The following NGEF variants were observed in gnomAD, a reference collection of about 807,000 sequenced individuals.
NGEF encodes the protein neuronal guanine nucleotide exchange factor.
In NGEF, 31 loss-of-function variants were observed where a neutral mutation model predicts 80.9. That is an observed-to-expected ratio of 0.38 (90% CI 0.29 to 0.52). The LOEUF (loss-of-function observed/expected upper bound fraction) is 0.52, where lower values mean the gene tolerates loss of function less well. Ranked by LOEUF, NGEF falls within the 20% of genes least tolerant of loss-of-function variation. The pLI, the probability that NGEF is intolerant of heterozygous loss-of-function variation, is 0.84. For missense variants in NGEF, 709 were observed against 926.2 expected (o/e 0.77, Z 3.04); for synonymous variants, 371 against 370.2 (o/e 1.00, Z -0.03).
intron 4 of NGEF, among the ~76,000 whole-genome samples, chr2:232,923,751 T>G (rs541353533): frequency 7.2e-4 from 109 of 152,224 alleles, no homozygotes; most frequent in African/African-American, 2.5e-3. Flanking sequence ...TCCTTGCCCC[T>G]TGCTAGTAGT....
At chr2:232,962,259 G>A (rs1241971908) in intron 3 of NGEF, among the ~76,000 whole-genome samples, 4 of 152,226 alleles carry the variant, frequency 2.6e-5, no homozygotes, top group Admixed American at 2.0e-4. Context: ...AAATATGGCT[G>A]GGTGCAGTGG....
At chr2:232,996,599 A>G (rs1227346267) in intron 1 of NGEF, among the ~76,000 whole-genome samples, 1 of 152,164 alleles carries the variant, frequency 6.6e-6, no homozygotes, top group Admixed American at 6.5e-5. Context: ...CATATAACCT[A>G]CAAAGTATAA....
Position 232,917,472 on chromosome 2 carries a change from C to CTT in NGEF, c.828+2810_828+2811dup, listed in dbSNP as rs11407721. Among the ~76,000 whole-genome samples, 36 of 144,734 alleles carry CTT rather than the reference C, an allele frequency of 2.5e-4. 1 individual carries two copies. The highest frequency in any genetic ancestry group is 4.0e-4 in the East Asian group (2 of 4,962). 95.0% of individuals were successfully genotyped at this position (144,734 alleles called of 152,430 possible). On this transcript the variant is annotated intron_variant, in intron 5 of 14. Transcript: ENST00000264051. Reference sequence around the variant, plus strand: ...TTACGTATTTAATTGTAAAACTTTTCTTTTTTTTTTTTTCTGAGATGGAGT... The same window carrying CTT: ...TTACGTATTTAATTGTAAAACTTTTCTTTTTTTTTTTTTTTCTGAGATGGAGT...
At chr2:232,994,658 C>A (rs1232631493) in intron 1 of NGEF, among the ~76,000 whole-genome samples, 1 of 152,106 alleles carries the variant, frequency 6.6e-6, no homozygotes, top group African/African-American at 2.4e-5. Flanking sequence ...CGGCCCTTCG[C>A]TGGCTGAATG....
At chr2:232,951,231 G>A (rs529496190) in intron 3 of NGEF, among the ~76,000 whole-genome samples, 1 of 152,314 alleles carries the variant, frequency 6.6e-6, no homozygotes, top group East Asian at 1.9e-4. Context: ...CTACCTCGAT[G>A]TCTAGGGCTT....
At chr2:232,887,209 G>T (rs1691721270) in intron 9 of NGEF, among the ~76,000 whole-genome samples, 1 of 152,236 alleles carries the variant, frequency 6.6e-6, no homozygotes, top group Non-Finnish European at 1.5e-5. Flanking sequence ...CAATGGAGGT[G>T]CCCTAGCACA....
intron 4 of NGEF, among the ~76,000 whole-genome samples, chr2:232,925,818 A>G (rs770636783): frequency 4.6e-5 from 7 of 152,186 alleles, no homozygotes; most frequent in Non-Finnish European, 8.8e-5. Flanking sequence ...TCTATGTGGC[A>G]TCAGTTTCAG....
At chr2:232,959,774 T>TC (rs979785067) in intron 3 of NGEF, among the ~76,000 whole-genome samples, 5 of 152,240 alleles carry the variant, frequency 3.3e-5, no homozygotes, top group Admixed American at 1.3e-4. Flanking sequence ...AGAAGGGGTT[T>TC]CTCCATGTTG....
In NGEF at chr2:232,894,845, C is replaced by T. The variant is rs267599265; in HGVS notation, c.900G>A (p.Met300Ile). ...GGATCTTCCTTATCCGCTCGTTCTC[C>T]ATGAAGTGGGACACGAGCAGGTTCA... ...KSLNLLVSHFMENERIRKILH... is the reference protein window; with the variant it reads ...KSLNLLVSHFIENERIRKILH... Residue 300 changes from methionine (M) to isoleucine (I), a missense_variant, in exon 6 of 15, where the codon ATG becomes ATA. Physicochemically the swap from Met to Ile is conservative, Grantham distance 10 (BLOSUM62 1). Transcript: ENST00000264051. 6.2e-7 allele frequency: 1 copy of T among 1,611,352 alleles called. No homozygotes were observed. Among genetic ancestry groups the T allele is most frequent in the South Asian group, 1.1e-5 (1 of 91,000 alleles).
chr2:232,923,918 A>G (rs568294180), intron 4 of NGEF, among the ~76,000 whole-genome samples: 11 of 152,176 alleles, frequency 7.2e-5, no homozygotes, highest in Non-Finnish European at 1.2e-4. Flanking sequence ...CCTCCGTGAG[A>G]GGGATTCATG....
At chr2:232,919,111 T>C (rs956527201) in intron 5 of NGEF, among the ~76,000 whole-genome samples, 1 of 152,214 alleles carries the variant, frequency 6.6e-6, no homozygotes, top group African/African-American at 2.4e-5. Context: ...CCTTCCCTAG[T>C]AGCAACTCCA....
intron 1 of NGEF, chr2:233,012,589 G>A (rs979149750): frequency 1.7e-4 from 50 of 291,750 alleles, no homozygotes; most frequent in African/African-American, 7.3e-4. Context: ...GGGCACTTCC[G>A]TTTACATATA....
At chr2:232,899,892 TCA>T (rs1483640964) in intron 5 of NGEF, among the ~76,000 whole-genome samples, 1 of 120,564 alleles carries the variant, frequency 8.3e-6, no homozygotes, top group Non-Finnish European at 1.7e-5. Context: ...TCACTCACAT[TCA>T]CACACATGCT....
chr2:232,966,781 G>C (rs1267535955), intron 3 of NGEF, among the ~76,000 whole-genome samples: 1 of 152,086 alleles, frequency 6.6e-6, no homozygotes, highest in African/African-American at 2.4e-5. Flanking sequence ...TGGCCCCTTG[G>C]ACTCTTGCTC....
rs573111640 is a variant in NGEF at position 233,004,090 on chromosome 2, C to T, written c.-75+8978G>A. On this transcript the variant is annotated intron_variant, in intron 1 of 14. Coordinates refer to ENST00000264051, the MANE Select transcript of NGEF (RefSeq NM_019850.3). ...TCTGCAGCAAGCACCCCCTTGATCT[C>T]TGTCACGATCATGTCATAACTTCTC... 6.8e-4 allele frequency among the ~76,000 whole-genome samples: 103 copies of T among 152,294 alleles called. No homozygotes were observed. The South Asian group carries it at 8.7e-3, about 13-fold the overall frequency.
At chr2:232,942,421 G>A (rs1177236156) in intron 3 of NGEF, among the ~76,000 whole-genome samples, 2 of 152,164 alleles carry the variant, frequency 1.3e-5, no homozygotes, top group African/African-American at 4.8e-5. Flanking sequence ...AAAGCACGTG[G>A]ACATTCTTTA....
At chr2:232,968,102 T>C (rs1251638905) in intron 3 of NGEF, among the ~76,000 whole-genome samples, 1 of 150,892 alleles carries the variant, frequency 6.6e-6, no homozygotes, top group East Asian at 1.9e-4. Context: ...GCTTTTTTTT[T>C]TTTGAGACAA....
intron 1 of NGEF, among the ~76,000 whole-genome samples, chr2:233,009,897 T>C (rs942064889): frequency 6.6e-6 from 1 of 152,166 alleles, no homozygotes; most frequent in African/African-American, 2.4e-5. Context: ...ACTCCACCTG[T>C]CCTGTCTCTC....
At chr2:232,962,741 T>C (rs772858281) in intron 3 of NGEF, among the ~76,000 whole-genome samples, 1 of 151,970 alleles carries the variant, frequency 6.6e-6, no homozygotes, top group Non-Finnish European at 1.5e-5. Flanking sequence ...ACATTTACAT[T>C]AAAAACTACA....
Sources: gnomAD v4.1 joint callset for allele counts (sites outside exome capture counted in the v4.1 genomes callset) on GRCh38, gnomAD v4.1.1 for gene constraint, MANE v1.5 for transcripts, NCBI Gene and HGNC (gene_info 2026-07-23, HGNC 2026-07-21) for gene names.